Variants in IQCM observed in about 807,000 individuals in gnomAD.
IQCM encodes the protein IQ domain-containing protein M.
In IQCM, 45 loss-of-function variants were observed where a neutral mutation model predicts 57.6. That is an observed-to-expected ratio of 0.78 (90% CI 0.62 to 1.00). The LOEUF (loss-of-function observed/expected upper bound fraction) is 1.00, where lower values mean the gene tolerates loss of function less well. IQCM is among the 50% of genes least tolerant of loss of function. The pLI is 0.00. For missense variants in IQCM, 468 were observed against 511.6 expected (o/e 0.91, Z 0.82); for synonymous variants, 148 against 158.9 (o/e 0.93, Z 0.51).
intron 2 of IQCM, among the ~76,000 whole-genome samples, chr4:149,771,116 C>T (rs1195035428): frequency 2.6e-5 from 4 of 151,994 alleles, no homozygotes; most frequent in Admixed American, 2.6e-4. Flanking sequence ...TGTTTATTAG[C>T]AGTTATATAT....
intron 7 of IQCM, among the ~76,000 whole-genome samples, chr4:149,622,996 T>C (rs1302581357): frequency 1.3e-5 from 2 of 152,206 alleles, no homozygotes; most frequent in Admixed American, 6.5e-5. Context: ...AAGGTAGCTA[T>C]GTAAATACTG....
chr4:149,443,726 A>G (rs1018721310), intron 12 of IQCM, among the ~76,000 whole-genome samples: 5 of 150,518 alleles, frequency 3.3e-5, no homozygotes, highest in African/African-American at 9.8e-5. Flanking sequence ...AAGGAAAGGA[A>G]AGGAAAGGAA....
intron 13 of IQCM, among the ~76,000 whole-genome samples, chr4:149,363,091 G>T: frequency 6.6e-6 from 1 of 152,216 alleles, no homozygotes; most frequent in Non-Finnish European, 1.5e-5. Flanking sequence ...TAACTGAAAA[G>T]CTATCCTCTT....
intron 12 of IQCM, among the ~76,000 whole-genome samples, chr4:149,531,566 G>A (rs1471322685): frequency 6.6e-6 from 1 of 151,782 alleles, no homozygotes; most frequent in Admixed American, 6.6e-5. Flanking sequence ...TGTGAATCCT[G>A]AGCATACAAA....
intron 13 of IQCM, among the ~76,000 whole-genome samples, chr4:149,377,641 T>G (rs112081657): frequency 3.1e-4 from 47 of 152,284 alleles, no homozygotes; most frequent in African/African-American, 1.0e-3. Context: ...GCTCCAGATT[T>G]GATGGGGAAA....
chr4:149,366,788 T>A (rs1729873107), intron 13 of IQCM, among the ~76,000 whole-genome samples: 1 of 151,934 alleles, frequency 6.6e-6, no homozygotes, highest in Non-Finnish European at 1.5e-5. Flanking sequence ...GATGGGTGAA[T>A]GGCAGAATGG....
chr4:149,776,409 A>G (rs905045637), intron 2 of IQCM, among the ~76,000 whole-genome samples: 2 of 152,170 alleles, frequency 1.3e-5, no homozygotes, highest in Non-Finnish European at 2.9e-5. Flanking sequence ...ATTAGGTTCA[A>G]TGCTTGAACT....
intron 13 of IQCM, among the ~76,000 whole-genome samples, chr4:149,359,777 A>G (rs1729344108): frequency 6.6e-6 from 1 of 152,208 alleles, no homozygotes; most frequent in Non-Finnish European, 1.5e-5. Flanking sequence ...AAGGTTATAT[A>G]TCATTCAACA....
chr4:149,588,158 G>T (rs189832387), intron 8 of IQCM, among the ~76,000 whole-genome samples, 161 bp from the exon 9 acceptor site: 31 of 151,676 alleles, frequency 2.0e-4, no homozygotes, highest in African/African-American at 6.8e-4. Context: ...ATACTCAGAG[G>T]GGTATGACTG....
intron 2 of IQCM, among the ~76,000 whole-genome samples, chr4:149,781,874 C>G (rs1771636709): frequency 6.6e-6 from 1 of 152,114 alleles, no homozygotes; most frequent in Admixed American, 6.5e-5. Flanking sequence ...AATTTGAGAT[C>G]TTGGCAAAAG....
At chr4:149,526,389 C>T (rs1746163190) in intron 12 of IQCM, among the ~76,000 whole-genome samples, 1 of 151,860 alleles carries the variant, frequency 6.6e-6, no homozygotes, top group Admixed American at 6.6e-5. Flanking sequence ...TAAACATGTA[C>T]TTTCATATGC....
chr4:149,620,990 A>G (rs571228352), intron 8 of IQCM, 139 bp downstream of exon 8: 1 of 408,724 alleles, frequency 2.4e-6, no homozygotes, highest in Admixed American at 4.4e-5. Flanking sequence ...TGCTTCAGAA[A>G]AAATGAATTT....
chr4:149,416,719 G>C (rs566870007), intron 13 of IQCM, among the ~76,000 whole-genome samples: 1 of 152,176 alleles, frequency 6.6e-6, no homozygotes, highest in East Asian at 1.9e-4. Flanking sequence ...GAGATTTCAG[G>C]CAGGGAAATG....
At chr4:149,602,250 A>G (rs1392218998) in intron 8 of IQCM, among the ~76,000 whole-genome samples, 2 of 152,120 alleles carry the variant, frequency 1.3e-5, no homozygotes, top group East Asian at 1.9e-4. Context: ...GCCACTTTAC[A>G]TAAGGAATTT....
At chr4:149,569,889 A>G (rs1289049567) in intron 9 of IQCM, among the ~76,000 whole-genome samples, 1 of 152,110 alleles carries the variant, frequency 6.6e-6, no homozygotes, top group African/African-American at 2.4e-5. Flanking sequence ...ATTATGTTTC[A>G]TATTTATTTT....
At chr4:149,474,423 A>G (rs1739947993) in intron 12 of IQCM, among the ~76,000 whole-genome samples, 1 of 151,866 alleles carries the variant, frequency 6.6e-6, no homozygotes, top group Non-Finnish European at 1.5e-5. Flanking sequence ...AAAAATAAAA[A>G]TTAGGCCAGG....
chr4:149,517,537 G>A (rs1284743884), intron 12 of IQCM, among the ~76,000 whole-genome samples: 3 of 152,110 alleles, frequency 2.0e-5, no homozygotes, highest in Admixed American at 2.0e-4. Flanking sequence ...AGATGTGTAT[G>A]GGTTCAAGTT....
At chr4:149,512,247 A>G (rs1044670911) in intron 12 of IQCM, among the ~76,000 whole-genome samples, 3 of 152,026 alleles carry the variant, frequency 2.0e-5, no homozygotes, top group South Asian at 4.1e-4. Context: ...TTAAGTAAGT[A>G]GTTTATAGGG....
intron 13 of IQCM, among the ~76,000 whole-genome samples, chr4:149,424,401 G>A (rs184729770): frequency 7.0e-6 from 1 of 142,504 alleles, no homozygotes; most frequent in African/African-American, 2.4e-5. Flanking sequence ...GTTTTAAATT[G>A]AGGAATATGG....
Sources: gnomAD v4.1 joint callset for allele counts (sites outside exome capture counted in the v4.1 genomes callset) on GRCh38, gnomAD v4.1.1 for gene constraint, MANE v1.5 for transcripts, NCBI Gene and HGNC (gene_info 2026-07-23, HGNC 2026-07-21) for gene names.